Variants in DCUN1D1 observed in about 807,000 individuals in gnomAD.
DCUN1D1 encodes the protein DCN1-like protein 1.
Under a neutral mutation model 39.0 loss-of-function variants are expected in DCUN1D1, and 3 were observed. The observed-to-expected ratio is 0.08, with a 90% CI of 0.04 to 0.20. The LOEUF (loss-of-function observed/expected upper bound fraction) is 0.20, where lower values mean the gene tolerates loss of function less well. Among genes scored for constraint, DCUN1D1 ranks in the 10% least tolerant of loss-of-function variants. DCUN1D1 has a pLI of 1.00. For synonymous variants in DCUN1D1, 82 were observed against 96.3 expected (o/e 0.85, Z 0.87); for missense variants, 158 against 302.4 (o/e 0.52, Z 3.54).
At chr3:182,975,682 T>TAAAAAA (rs56722976) in intron 1 of DCUN1D1, among the ~76,000 whole-genome samples, 1 of 121,994 alleles carries the variant, frequency 8.2e-6, no homozygotes, top group Non-Finnish European at 1.7e-5. Flanking sequence ...CTTGCTGGGT[T>TAAAAAA]AAAAAAAAAA....
intron 1 of DCUN1D1, 110 bp from the exon 2 acceptor site, chr3:182,965,863 T>G: frequency 2.9e-6 from 2 of 689,884 alleles, no homozygotes; most frequent in Non-Finnish European, 4.9e-6. Flanking sequence ...CACAAAACAT[T>G]AAAACATTTT....
intron 4 of DCUN1D1, chr3:182,955,916 C>T (rs1407985134): frequency 6.4e-6 from 1 of 156,944 alleles, no homozygotes; most frequent in Non-Finnish European, 1.3e-5. Flanking sequence ...TTGGTCTAAA[C>T]ATGCTTATCA....
At chr3:182,967,128 C>CTATATATATATATATATATATATATA (rs60339329) in intron 1 of DCUN1D1, among the ~76,000 whole-genome samples, 10 of 143,562 alleles carry the variant, frequency 7.0e-5, no homozygotes, top group African/African-American at 2.1e-4. Context: ...AACAAAAAAA[C>CTATATATATATATATATATATATATA]TATATATATA....
chr3:182,978,054 C>G (rs372892174), intron 1 of DCUN1D1, among the ~76,000 whole-genome samples: 1 of 94,572 alleles, frequency 1.1e-5, no homozygotes, highest in South Asian at 4.0e-4. Flanking sequence ...AAAAAAAAAA[C>G]AACAACAACA....
At chr3:182,946,209 C>CTAAAA (rs1726390111) in intron 6 of DCUN1D1, among the ~76,000 whole-genome samples, 1 of 152,082 alleles carries the variant, frequency 6.6e-6, no homozygotes, top group African/African-American at 2.4e-5. Context: ...GAAAAGTATT[C>CTAAAA]AGTGATTATT....
chr3:182,976,358 C>A (rs978236917), intron 1 of DCUN1D1, among the ~76,000 whole-genome samples: 1 of 151,800 alleles, frequency 6.6e-6, no homozygotes, highest in Admixed American at 6.6e-5. Context: ...CTTACAGTGT[C>A]CACCCATGCC....
intron 1 of DCUN1D1, among the ~76,000 whole-genome samples, chr3:182,978,145 A>T (rs1233354618): frequency 6.8e-6 from 1 of 147,278 alleles, no homozygotes; most frequent in East Asian, 2.2e-4. Flanking sequence ...GGAGGAAGTT[A>T]ACAGAACTTT....
intron 1 of DCUN1D1, among the ~76,000 whole-genome samples, chr3:182,978,680 G>A (rs986422883): frequency 6.6e-6 from 1 of 152,146 alleles, no homozygotes; most frequent in East Asian, 1.9e-4. Context: ...CAGCCCCTAC[G>A]GTGAGTTAGC....
chr3:182,952,128 T>G (rs894117845), intron 4 of DCUN1D1, among the ~76,000 whole-genome samples: 1 of 152,302 alleles, frequency 6.6e-6, no homozygotes, highest in Admixed American at 6.5e-5. Flanking sequence ...CATCAGACCC[T>G]CTGGTTACTA....
upstream of DCUN1D1, among the ~76,000 whole-genome samples, chr3:182,981,788 C>A (rs1388749136): frequency 6.6e-6 from 1 of 152,238 alleles, no homozygotes; most frequent in Non-Finnish European, 1.5e-5. Flanking sequence ...TGGAGCTAGC[C>A]ATGTACTGGG....
chr3:182,977,688 C>T (rs916833725), intron 1 of DCUN1D1, among the ~76,000 whole-genome samples: 3 of 151,980 alleles, frequency 2.0e-5, no homozygotes, highest in African/African-American at 7.2e-5. Flanking sequence ...CCCACCTTGG[C>T]CTCCCAAAGT....
chr3:182,951,699 T>C (rs1407227538), intron 4 of DCUN1D1, among the ~76,000 whole-genome samples: 1 of 147,058 alleles, frequency 6.8e-6, no homozygotes, highest in Non-Finnish European at 1.5e-5. Flanking sequence ...ATAATTTCTT[T>C]TTTTTTTTTT....
Position 182,943,709 on chromosome 3 carries a change from T to C in DCUN1D1, c.*1385A>G, listed in dbSNP as rs1469255495. On this transcript the variant is annotated 3_prime_UTR_variant, in exon 7 of 7. Coordinates refer to ENST00000292782, the MANE Select transcript of DCUN1D1 (RefSeq NM_020640.4). ...ATTTCTAGCCTGCCTTACGGAAATG[T>C]TTAAGAAAGCAAGAAACCCTTCTTC... The C allele has an allele frequency of 6.6e-6, 1 of 152,536 alleles. No individual in the cohort carries two copies. Among genetic ancestry groups the C allele is most frequent in the Non-Finnish European group, 1.5e-5 (1 of 68,000 alleles). 9.4% of individuals were successfully genotyped at this position (152,536 alleles called of 1,614,324 possible). A position where few individuals can be genotyped will look rare whatever the true frequency, so the allele number is the denominator to read the frequency against.
chr3:182,983,513 C>T (rs779854782), upstream of DCUN1D1, among the ~76,000 whole-genome samples: 3 of 152,132 alleles, frequency 2.0e-5, no homozygotes, highest in East Asian at 3.9e-4. Flanking sequence ...TTCAGGAGTT[C>T]GAGACCAGCC....
At chr3:182,952,445 A>G (rs1240163637) in intron 4 of DCUN1D1, among the ~76,000 whole-genome samples, 1 of 152,118 alleles carries the variant, frequency 6.6e-6, no homozygotes, top group Non-Finnish European at 1.5e-5. Flanking sequence ...ACCTATCTCT[A>G]TATTCTAGAC....
intron 4 of DCUN1D1, among the ~76,000 whole-genome samples, chr3:182,960,289 A>T (rs1413221730): frequency 6.6e-6 from 1 of 152,208 alleles, no homozygotes; most frequent in East Asian, 1.9e-4. Flanking sequence ...CCAAAAAAAA[A>T]AATAAAAACA....
At chr3:182,946,995 G>A (rs900250878) in intron 6 of DCUN1D1, among the ~76,000 whole-genome samples, 2 of 152,110 alleles carry the variant, frequency 1.3e-5, no homozygotes, top group African/African-American at 4.8e-5. Flanking sequence ...CTAGCTCCTT[G>A]GGAGGCTGAG....
upstream of DCUN1D1, chr3:182,980,541 A>G (rs1553846460): frequency 8.2e-7 from 1 of 1,219,386 alleles, no homozygotes; most frequent in Admixed American, 3.0e-5. Context: ...CAGCGAATGG[A>G]CGGCGGCGGC....
chr3:182,972,968 G>A (rs1163445854), intron 1 of DCUN1D1, among the ~76,000 whole-genome samples: 5 of 152,090 alleles, frequency 3.3e-5, no homozygotes, highest in Non-Finnish European at 5.9e-5. Flanking sequence ...CTTGAACCCG[G>A]GAGGCGGAGG....
Sources: allele counts gnomAD v4.1 joint callset (sites outside exome capture counted in the v4.1 genomes callset), GRCh38; gene constraint gnomAD v4.1.1; transcripts MANE v1.5; gene names NCBI Gene and HGNC (gene_info 2026-07-23, HGNC 2026-07-21).